VPS13B: variants seen among roughly 807,000 people sequenced by gnomAD.
VPS13B encodes the protein intermembrane lipid transfer protein VPS13B.
Under a neutral mutation model 426.4 loss-of-function variants are expected in VPS13B, and 285 were observed. The observed-to-expected ratio is 0.67, with a 90% CI of 0.61 to 0.74. VPS13B has a LOEUF of 0.74. Ranked by LOEUF, VPS13B falls within the 30% of genes least tolerant of loss-of-function variation. VPS13B has a pLI of 0.00. For missense variants in VPS13B, 4,537 were observed against 4,782.6 expected (o/e 0.95, Z 1.51); for synonymous variants, 1,676 against 1,676.4 (o/e 1.00, Z 0.01).
chr8:99,770,797 G>A (rs1225380053), intron 40 of VPS13B, among the ~76,000 whole-genome samples: 2 of 152,184 alleles, frequency 1.3e-5, no homozygotes, highest in African/African-American at 4.8e-5. Context: ...AGTCCAGAAA[G>A]CTCCCTTCCG....
At chr8:99,240,481 A>T (rs373119946) in intron 17 of VPS13B, among the ~76,000 whole-genome samples, 15 of 152,358 alleles carry the variant, frequency 9.8e-5, no homozygotes, top group African/African-American at 3.6e-4. Context: ...AAGTTCATCT[A>T]AAGTACATAT....
At chr8:99,549,568 TTG>T (rs1053642698) in intron 30 of VPS13B, among the ~76,000 whole-genome samples, 1 of 152,126 alleles carries the variant, frequency 6.6e-6, no homozygotes, top group African/African-American at 2.4e-5. Flanking sequence ...CTCTTGGCTA[TTG>T]TGCTACTACA....
chr8:99,795,307 A>G (rs1423889522), intron 43 of VPS13B, among the ~76,000 whole-genome samples: 1 of 152,126 alleles, frequency 6.6e-6, no homozygotes, highest in Non-Finnish European at 1.5e-5. Context: ...CTTTCCACCC[A>G]TGTCCAATAA....
chr8:99,115,189 A>T (rs999430474), intron 6 of VPS13B, among the ~76,000 whole-genome samples: 1 of 152,080 alleles, frequency 6.6e-6, no homozygotes, highest in African/African-American at 2.4e-5. Context: ...ATACTTTCAT[A>T]GTTGTAATAC....
intron 19 of VPS13B, chr8:99,340,464 C>G (rs1026100923): frequency 6.1e-6 from 3 of 490,756 alleles, no homozygotes; most frequent in Non-Finnish European, 1.2e-5. Flanking sequence ...CAGACTAGGA[C>G]ATGTTTCCAA....
intron 21 of VPS13B, among the ~76,000 whole-genome samples, chr8:99,397,722 G>A (rs1814815343): frequency 6.6e-6 from 1 of 152,126 alleles, no homozygotes; most frequent in East Asian, 1.9e-4. Context: ...GTTCATGATG[G>A]TGGCTTCAGC....
At chr8:99,149,370 A>T (rs6468672) in intron 14 of VPS13B, among the ~76,000 whole-genome samples, 145,778 of 152,330 alleles carry the variant, frequency 0.96, 69,816 homozygotes, top group East Asian at 1. Flanking sequence ...TAGGCTAGAG[A>T]GCAGTGGTGA....
At chr8:99,747,777 G>C (rs1204375976) in intron 39 of VPS13B, among the ~76,000 whole-genome samples, 1 of 151,906 alleles carries the variant, frequency 6.6e-6, no homozygotes, top group Non-Finnish European at 1.5e-5. Context: ...TTATATTAGG[G>C]AGATTTTGTT....
chr8:99,511,045 ATT>A (rs200496070), intron 28 of VPS13B, 57 bp from the exon 29 acceptor site: 1 of 1,594,382 alleles, frequency 6.3e-7, no homozygotes, highest in African/African-American at 1.3e-5. Context: ...CTTCTTTCCA[ATT>A]TTTAAAAAAA....
At chr8:99,021,891 G>A (rs1841911860) in intron 2 of VPS13B, among the ~76,000 whole-genome samples, 1 of 152,148 alleles carries the variant, frequency 6.6e-6, no homozygotes, top group Non-Finnish European at 1.5e-5. Context: ...GGGATTACAG[G>A]CGTGAGCCCC....
chr8:99,498,660 T>C (rs780472688), intron 25 of VPS13B, among the ~76,000 whole-genome samples: 14 of 152,204 alleles, frequency 9.2e-5, no homozygotes, highest in South Asian at 4.1e-4. Context: ...CTTTAAACTA[T>C]GAGTAATTCT....
chr8:99,035,532 C>A (rs1215293140), intron 2 of VPS13B, among the ~76,000 whole-genome samples: 2 of 152,074 alleles, frequency 1.3e-5, no homozygotes, highest in Non-Finnish European at 1.5e-5. Flanking sequence ...AATAATATCC[C>A]ATTGTATGTG....
intron 51 of VPS13B, 107 bp from the exon 52 acceptor site, chr8:99,832,259 CAAA>C (rs68156520): frequency 1.0e-5 from 12 of 1,161,670 alleles, no homozygotes; most frequent in East Asian, 3.3e-5. Context: ...GAGACTGTCT[CAAA>C]AAAAAAAAAG....
At chr8:99,274,112 ATAAT>A in intron 17 of VPS13B, 82 bp from the exon 18 acceptor site, 1 of 1,545,682 alleles carries the variant, frequency 6.5e-7, no homozygotes, top group Non-Finnish European at 8.9e-7. Flanking sequence ...CAGTTAGAGT[ATAAT>A]TAAGTTTAAA....
chr8:99,297,174 A>G (rs1263020122), intron 19 of VPS13B, among the ~76,000 whole-genome samples: 1 of 152,154 alleles, frequency 6.6e-6, no homozygotes, highest in Non-Finnish European at 1.5e-5. Flanking sequence ...AATTCTGATG[A>G]CAAAACTTAG....
chr8:99,387,698 C>T, intron 20 of VPS13B, among the ~76,000 whole-genome samples: 1 of 152,022 alleles, frequency 6.6e-6, no homozygotes. Flanking sequence ...TGTTTCCATA[C>T]CCAGGTTCAA....
chr8:99,867,385 G>C (rs1817162244), intron 58 of VPS13B, among the ~76,000 whole-genome samples: 1 of 152,224 alleles, frequency 6.6e-6, no homozygotes, highest in African/African-American at 2.4e-5. Flanking sequence ...GCTCAGTGCA[G>C]GAGATGGATG....
intron 39 of VPS13B, among the ~76,000 whole-genome samples, chr8:99,760,302 G>A (rs1048443738): frequency 1.4e-4 from 22 of 152,012 alleles, no homozygotes; most frequent in African/African-American, 2.7e-4. Context: ...TTTTTATTCC[G>A]TTGTCTATAG....
intron 3 of VPS13B, among the ~76,000 whole-genome samples, chr8:99,044,955 T>A (rs1428890337): frequency 3.4e-5 from 5 of 146,776 alleles, no homozygotes; most frequent in Non-Finnish European, 7.5e-5. Flanking sequence ...GCATTTAGGT[T>A]GGTTCCACAT....
Sources: gnomAD v4.1 joint callset for allele counts (sites outside exome capture counted in the v4.1 genomes callset) on GRCh38, gnomAD v4.1.1 for gene constraint, MANE v1.5 for transcripts, NCBI Gene and HGNC (gene_info 2026-07-23, HGNC 2026-07-21) for gene names.